The following ARB2A variants were observed in gnomAD, a reference collection of about 807,000 sequenced individuals.
ARB2A encodes cotranscriptional regulator ARB2A.
chr5:93,989,420 T>C, the ARB2A span, among the ~76,000 whole-genome samples: 3 of 152,234 alleles, frequency 2.0e-5, no homozygotes, highest in African/African-American at 7.2e-5. Context: ...TAAAAGAAAT[T>C]TAGGTTAGAG....
the ARB2A span, among the ~76,000 whole-genome samples, chr5:93,829,426 C>T: frequency 4.6e-5 from 7 of 152,190 alleles, no homozygotes; most frequent in South Asian, 1.4e-3. Context: ...AATGAGATAT[C>T]ATTTCCTCTG....
At chr5:93,779,120 TGTGTGC>T in the ARB2A span, among the ~76,000 whole-genome samples, 8 of 147,976 alleles carry the variant, frequency 5.4e-5, no homozygotes, top group South Asian at 1.1e-3. Flanking sequence ...TGTGTGTGTG[TGTGTGC>T]GCGCGCGCGC....
the ARB2A span, among the ~76,000 whole-genome samples, chr5:93,772,389 T>C: frequency 2.6e-5 from 4 of 152,018 alleles, no homozygotes; most frequent in Non-Finnish European, 4.4e-5. Context: ...CACACCAGCA[T>C]GGCACATGTA....
the ARB2A span, among the ~76,000 whole-genome samples, chr5:93,903,317 T>G: frequency 6.6e-6 from 1 of 152,030 alleles, no homozygotes; most frequent in Admixed American, 6.6e-5. Context: ...GCTTTTCTAC[T>G]AAAACTGCTA....
the ARB2A span, among the ~76,000 whole-genome samples, chr5:93,853,497 G>C: frequency 4.6e-5 from 7 of 152,070 alleles, no homozygotes; most frequent in Admixed American, 2.0e-4. Context: ...ACACTATGTT[G>C]AATAGGAGTG....
chr5:93,683,761 A>G, the ARB2A span: 10 of 1,560,098 alleles, frequency 6.4e-6, no homozygotes, highest in South Asian at 7.8e-5. Flanking sequence ...GCGGACGGAG[A>G]TAAAACAACG....
the ARB2A span, chr5:93,683,625 A>G: frequency 6.5e-7 from 1 of 1,531,164 alleles, no homozygotes; most frequent in Non-Finnish European, 9.0e-7. Context: ...TATCCACCTT[A>G]AAGTGATCAT....
At chr5:94,055,399 C>T in the ARB2A span, among the ~76,000 whole-genome samples, 1 of 152,088 alleles carries the variant, frequency 6.6e-6, no homozygotes, top group Non-Finnish European at 1.5e-5. Context: ...TCAAAATATG[C>T]TAGAGAAAAA....
At chr5:93,777,850 C>T in the ARB2A span, among the ~76,000 whole-genome samples, 4 of 152,072 alleles carry the variant, frequency 2.6e-5, no homozygotes, top group Non-Finnish European at 4.4e-5. Context: ...CCAATAAAGG[C>T]CGAGGAATGG....
At chr5:93,741,087 A>G in the ARB2A span, 47 of 1,613,816 alleles carry the variant, frequency 2.9e-5, no homozygotes, top group Non-Finnish European at 3.8e-5. Flanking sequence ...TCGTCTGGCT[A>G]AGCACCTTCC....
At chr5:93,983,236 T>A in the ARB2A span, among the ~76,000 whole-genome samples, 1 of 137,956 alleles carries the variant, frequency 7.2e-6, no homozygotes, top group Non-Finnish European at 1.5e-5. Context: ...TGTGTCCATG[T>A]CCAATTCCCC....
chr5:93,738,706 A>G, the ARB2A span: 1 of 152,244 alleles, frequency 6.6e-6, no homozygotes, highest in Non-Finnish European at 1.5e-5. Flanking sequence ...AGCCAGATAC[A>G]AAAGGTCAAA....
At chr5:93,918,874 C>G in the ARB2A span, among the ~76,000 whole-genome samples, 1 of 152,174 alleles carries the variant, frequency 6.6e-6, no homozygotes, top group African/African-American at 2.4e-5. Flanking sequence ...TTGCCATCAC[C>G]TGGGATGCTT....
chr5:93,842,302 A>G, the ARB2A span, among the ~76,000 whole-genome samples: 1 of 152,210 alleles, frequency 6.6e-6, no homozygotes, highest in Non-Finnish European at 1.5e-5. Flanking sequence ...ACTTGTTTAT[A>G]TATCATCTAT....
At chr5:93,719,690 C>G in the ARB2A span, among the ~76,000 whole-genome samples, 1 of 152,172 alleles carries the variant, frequency 6.6e-6, no homozygotes, top group East Asian at 1.9e-4. Flanking sequence ...TGCTTACAAG[C>G]TGCTGTGATC....
chr5:93,914,898 T>C, the ARB2A span, among the ~76,000 whole-genome samples: 1 of 151,920 alleles, frequency 6.6e-6, no homozygotes, highest in East Asian at 1.9e-4. Context: ...AGGGTCATCA[T>C]TACCGAACAT....
chr5:93,764,084 C>G, the ARB2A span, among the ~76,000 whole-genome samples: 2 of 152,178 alleles, frequency 1.3e-5, no homozygotes, highest in African/African-American at 4.8e-5. Context: ...TAAATGCCCA[C>G]AAGAGAAAGC....
At chr5:94,104,007 C>T in the ARB2A span, among the ~76,000 whole-genome samples, 4 of 151,052 alleles carry the variant, frequency 2.6e-5, no homozygotes, top group Non-Finnish European at 5.9e-5. Context: ...AGAGCTAAAG[C>T]AGTCTTCAAA....
At chr5:94,099,721 A>G in the ARB2A span, among the ~76,000 whole-genome samples, 31 of 152,082 alleles carry the variant, frequency 2.0e-4, no homozygotes, top group Middle Eastern at 0.01. Flanking sequence ...TAATCTGAAT[A>G]GGCTTTTGAT....
Sources: gnomAD v4.1 joint callset for allele counts (sites outside exome capture counted in the v4.1 genomes callset) on GRCh38, gnomAD v4.1.1 for gene constraint, MANE v1.5 for transcripts, NCBI Gene and HGNC (gene_info 2026-07-23, HGNC 2026-07-21) for gene names.